PRELID2: variants seen among roughly 807,000 people sequenced by gnomAD.
The protein encoded by PRELID2 is PRELI domain-containing protein 2.
A neutral mutation model predicts 28.4 loss-of-function variants in PRELID2; 25 were observed. The observed-to-expected ratio is 0.88, with a 90% CI of 0.64 to 1.23. The LOEUF (loss-of-function observed/expected upper bound fraction) is 1.23. Ranked by LOEUF, PRELID2 falls within the 50% of genes most tolerant of loss-of-function variation. The probability of loss-of-function intolerance (pLI) is 0.00; values close to 1 mark genes in which losing one functional copy is unlikely to be tolerated. For missense variants in PRELID2, 201 were observed against 214.4 expected (o/e 0.94, Z 0.39); for synonymous variants, 76 against 71.6 (o/e 1.06, Z -0.31).
intron 1 of PRELID2, among the ~76,000 whole-genome samples, chr5:145,682,138 C>T (rs952449159): frequency 6.6e-6 from 1 of 151,434 alleles, no homozygotes; most frequent in Non-Finnish European, 1.5e-5. Context: ...GAATACTATT[C>T]ATTCTGTATG....
At chr5:145,359,435 T>C in the PRELID2 span, among the ~76,000 whole-genome samples, 1 of 152,170 alleles carries the variant, frequency 6.6e-6, no homozygotes, top group African/African-American at 2.4e-5. Flanking sequence ...GAAGACTGTT[T>C]AGAATTTCTC....
chr5:145,376,838 G>T, the PRELID2 span, among the ~76,000 whole-genome samples: 11 of 151,938 alleles, frequency 7.2e-5, no homozygotes, highest in Non-Finnish European at 1.3e-4. Flanking sequence ...TGAAAGACAG[G>T]TGTCTGGGTT....
intron 1 of PRELID2, among the ~76,000 whole-genome samples, chr5:145,691,384 C>T (rs1755145869): frequency 6.6e-6 from 1 of 152,162 alleles, no homozygotes; most frequent in Admixed American, 6.5e-5. Context: ...TCAAGCCTAA[C>T]CGTAGAATCC....
chr5:145,767,142 G>T (rs1356689347), intron 5 of PRELID2, among the ~76,000 whole-genome samples: 6 of 102,384 alleles, frequency 5.9e-5, no homozygotes, highest in Non-Finnish European at 9.7e-5. Flanking sequence ...CCCCCACCCT[G>T]TACCCATAAA....
intron 1 of PRELID2, among the ~76,000 whole-genome samples, chr5:145,741,371 T>C (rs1250739299): frequency 1.7e-5 from 2 of 115,664 alleles, no homozygotes; most frequent in Admixed American, 1.0e-4. Flanking sequence ...TATTTATATA[T>C]AAATTTTATT....
At chr5:145,447,189 G>A in the PRELID2 span, among the ~76,000 whole-genome samples, 1 of 151,882 alleles carries the variant, frequency 6.6e-6, no homozygotes, top group Non-Finnish European at 1.5e-5. Flanking sequence ...GCCAAAAGGA[G>A]AGATCTCTGT....
At chr5:145,522,694 C>T (rs749069065) in intron 1 of PRELID2, among the ~76,000 whole-genome samples, 1 of 151,832 alleles carries the variant, frequency 6.6e-6, no homozygotes, top group Non-Finnish European at 1.5e-5. Context: ...TCAAACCACA[C>T]GACATTGCTG....
intron 1 of PRELID2, among the ~76,000 whole-genome samples, chr5:145,575,763 G>A (rs1399108125): frequency 2.0e-5 from 3 of 152,144 alleles, no homozygotes; most frequent in Non-Finnish European, 4.4e-5. Flanking sequence ...GGAGCATGAG[G>A]AAGATTACAT....
downstream of PRELID2, among the ~76,000 whole-genome samples, chr5:145,752,143 A>G (rs1757139700): frequency 2.0e-5 from 3 of 152,156 alleles, no homozygotes; most frequent in Admixed American, 2.0e-4. Context: ...CTAAATGTCT[A>G]GCTGACTCCT....
At chr5:145,751,653 T>C (rs947267180), downstream of PRELID2, among the ~76,000 whole-genome samples, 1 of 152,180 alleles carries the variant, frequency 6.6e-6, no homozygotes, top group African/African-American at 2.4e-5. Context: ...ATACCATTTT[T>C]CCACAAAGCT....
the PRELID2 span, among the ~76,000 whole-genome samples, chr5:145,306,564 C>T: frequency 6.6e-6 from 1 of 151,924 alleles, no homozygotes; most frequent in Non-Finnish European, 1.5e-5. Flanking sequence ...CATTCTGTTA[C>T]ATTTATTTTA....
chr5:145,603,375 ACGGC>A (rs2149639323), intron 1 of PRELID2, among the ~76,000 whole-genome samples: 1 of 121,224 alleles, frequency 8.2e-6, no homozygotes, highest in African/African-American at 6.3e-5. Flanking sequence ...CCAGGGGCTA[ACGGC>A]TAACTTCTCA....
chr5:145,437,978 A>G, the PRELID2 span, among the ~76,000 whole-genome samples: 3 of 152,124 alleles, frequency 2.0e-5, no homozygotes, highest in African/African-American at 7.2e-5. Flanking sequence ...GAACAGTCAG[A>G]CAAATGTCAT....
the PRELID2 span, among the ~76,000 whole-genome samples, chr5:145,345,229 C>A: frequency 3.9e-5 from 6 of 152,008 alleles, no homozygotes; most frequent in Admixed American, 1.3e-4. Context: ...TGTACTTATT[C>A]CATTCTCACT....
intron 1 of PRELID2, among the ~76,000 whole-genome samples, chr5:145,549,735 CAGTGAGCCAAGA>C (rs1752817650): frequency 6.6e-6 from 1 of 151,572 alleles, no homozygotes; most frequent in African/African-American, 2.4e-5. Flanking sequence ...GCAGAGCTTC[CAGTGAGCCAAGA>C]TGGTGCCACT....
At position 145,774,661 on chromosome 5, in the gene PRELID2, A is replaced by G. The variant is rs143602204; in HGVS notation, c.475-9661T>C. ...CCTCATGCTTGCTCACATTTTCCTCACCCTTCACATCACCTCTAAGAGTCA... is the reference window on the plus strand; with the variant it reads ...CCTCATGCTTGCTCACATTTTCCTCGCCCTTCACATCACCTCTAAGAGTCA... On this transcript the variant is annotated intron_variant, in intron 5 of 6. Coordinates refer to ENST00000683046, the MANE Select transcript of PRELID2 (RefSeq NM_205846.3). Among the ~76,000 whole-genome samples, 93 of 152,262 alleles carry G rather than the reference A, an allele frequency of 6.1e-4. No individual in the cohort carries two copies. The East Asian group carries it at 0.016, about 26-fold the overall frequency.
intron 1 of PRELID2, among the ~76,000 whole-genome samples, chr5:145,716,634 T>C (rs1355386555): frequency 1.1e-4 from 17 of 152,214 alleles, no homozygotes; most frequent in Admixed American, 9.8e-4. Context: ...TAAGAAGACA[T>C]AGTTTTCACA....
chr5:145,819,228 C>T, intron 3 of PRELID2: 1 of 646,964 alleles, frequency 1.5e-6, no homozygotes, highest in East Asian at 2.9e-5. Context: ...CAACATCACA[C>T]ACAGAATCTC....
At chr5:145,541,448 G>C (rs1420509602) in intron 1 of PRELID2, among the ~76,000 whole-genome samples, 1 of 152,006 alleles carries the variant, frequency 6.6e-6, no homozygotes, top group East Asian at 1.9e-4. Flanking sequence ...GTAAGTAGTA[G>C]AGCTGGGATT....
Sources: allele counts gnomAD v4.1 joint callset (sites outside exome capture counted in the v4.1 genomes callset), GRCh38; gene constraint gnomAD v4.1.1; transcripts MANE v1.5; gene names NCBI Gene and HGNC (gene_info 2026-07-23, HGNC 2026-07-21).